The following LRRC4C variants were observed in gnomAD, a reference collection of about 807,000 sequenced individuals.
LRRC4C encodes leucine-rich repeat-containing protein 4C.
A neutral mutation model predicts 33.6 loss-of-function variants in LRRC4C; 5 were observed. The observed-to-expected ratio is 0.15, with a 90% CI of 0.08 to 0.31. The LOEUF (loss-of-function observed/expected upper bound fraction) is 0.31. LRRC4C is among the 10% of genes least tolerant of loss of function. The pLI is 1.00. For synonymous variants in LRRC4C, 329 were observed against 302.0 expected (o/e 1.09, Z -0.93); for missense variants, 560 against 796.7 (o/e 0.70, Z 3.58).
chr11:41,411,218 G>A (rs1402072598), intron 1 of LRRC4C, among the ~76,000 whole-genome samples: 2 of 136,790 alleles, frequency 1.5e-5, no homozygotes, highest in South Asian at 2.3e-4. Flanking sequence ...GCGCCATCTC[G>A]GCTCATTGCA....
At chr11:40,471,878 A>G (rs1952956064) in intron 3 of LRRC4C, among the ~76,000 whole-genome samples, 1 of 152,186 alleles carries the variant, frequency 6.6e-6, no homozygotes, top group Non-Finnish European at 1.5e-5. Flanking sequence ...TCAGCACCAC[A>G]TCGCACTTAT....
intron 3 of LRRC4C, among the ~76,000 whole-genome samples, chr11:40,378,637 G>A (rs1346209401): frequency 1.3e-5 from 2 of 152,006 alleles, no homozygotes; most frequent in African/African-American, 4.8e-5. Context: ...GATATGTATT[G>A]TTCAGTGACT....
At chr11:40,831,784 A>T (rs938269806) in intron 2 of LRRC4C, among the ~76,000 whole-genome samples, 2 of 151,940 alleles carry the variant, frequency 1.3e-5, no homozygotes, top group African/African-American at 2.4e-5. Context: ...AAACCATTGG[A>T]TCTCATGAAA....
chr11:40,122,346 C>A (rs902533092), intron 6 of LRRC4C, among the ~76,000 whole-genome samples: 1 of 152,076 alleles, frequency 6.6e-6, no homozygotes. Context: ...CTACACCTAT[C>A]AACCCATCAC....
chr11:40,891,931 C>A (rs540441009), intron 2 of LRRC4C, among the ~76,000 whole-genome samples: 10 of 151,706 alleles, frequency 6.6e-5, no homozygotes, highest in South Asian at 2.1e-4. Flanking sequence ...TTCAGGAGAT[C>A]GAGACCATCC....
rs115484801 is a variant in LRRC4C at position 41,161,835 on chromosome 11, A to G, written c.-495-228112T>C. Among the ~76,000 whole-genome samples the G allele has an allele frequency of 6.2e-3, 944 of 152,246 alleles. 15 individuals are homozygous for G. The highest frequency in any genetic ancestry group is 0.022 in the African/African-American group (896 of 41,560). On this transcript the variant is annotated intron_variant, in intron 1 of 6. Coordinates refer to ENST00000528697, the MANE Select transcript of LRRC4C (RefSeq NM_001258419.2). ...AGTATAAAGTTGTCTAACTCACTCA[A>G]CCCAACAGGACTACCTGAGTTCTAG...
In LRRC4C at chr11:40,300,823, G is replaced by A. The variant is rs146229253; in HGVS notation, c.-176+18805C>T. 1.1e-4 allele frequency among the ~76,000 whole-genome samples: 16 copies of A among 152,290 alleles called. No homozygotes were observed. The East Asian group carries it at 2.1e-3, about 20-fold the overall frequency. ...CTGTGAAGTTTTTATTTCTTAAGAG[G>A]CAGAGTCTAGCTCTGTTGCTCAGGC... is the stretch of plus-strand genomic sequence containing the variant. On this transcript the variant is annotated intron_variant, in intron 4 of 6. Coordinates refer to ENST00000528697, the MANE Select transcript of LRRC4C (RefSeq NM_001258419.2).
intron 1 of LRRC4C, among the ~76,000 whole-genome samples, chr11:41,109,968 G>A (rs1039438297): frequency 2.0e-5 from 3 of 151,888 alleles, no homozygotes; most frequent in Non-Finnish European, 2.9e-5. Flanking sequence ...CTACAACAGC[G>A]TGTACCAAAG....
intron 2 of LRRC4C, among the ~76,000 whole-genome samples, chr11:40,829,923 A>G (rs1352983474): frequency 6.6e-6 from 1 of 152,068 alleles, no homozygotes; most frequent in Non-Finnish European, 1.5e-5. Context: ...AGGAATTGCT[A>G]TGAAAACACT....
chr11:40,396,118 T>C (rs955232761), intron 3 of LRRC4C, among the ~76,000 whole-genome samples: 1 of 152,192 alleles, frequency 6.6e-6, no homozygotes, highest in African/African-American at 2.4e-5. Context: ...GTTCACACAT[T>C]GTCTACAGGG....
At chr11:40,763,928 C>T (rs1949338609) in intron 2 of LRRC4C, among the ~76,000 whole-genome samples, 1 of 152,126 alleles carries the variant, frequency 6.6e-6, no homozygotes, top group Admixed American at 6.5e-5. Context: ...CTGTACTGGG[C>T]TCAGAGCCAG....
intron 1 of LRRC4C, among the ~76,000 whole-genome samples, chr11:40,948,155 T>C (rs988868940): frequency 1.6e-4 from 24 of 152,086 alleles, no homozygotes; most frequent in Non-Finnish European, 3.5e-4. Flanking sequence ...ACATGTTCTA[T>C]TTAATCTGAG....
At chr11:41,326,134 A>T (rs1232306613) in intron 1 of LRRC4C, among the ~76,000 whole-genome samples, 1 of 124,458 alleles carries the variant, frequency 8.0e-6, no homozygotes, top group Admixed American at 7.8e-5. Flanking sequence ...GGTGGGCGCC[A>T]TCTAATCAGC....
chr11:41,338,706 A>T (rs1377472420), intron 1 of LRRC4C, among the ~76,000 whole-genome samples: 1 of 152,166 alleles, frequency 6.6e-6, no homozygotes, highest in Non-Finnish European at 1.5e-5. Context: ...AAGTAAAATA[A>T]AAATAAAAAT....
chr11:40,447,347 C>T (rs1951683264), intron 3 of LRRC4C, among the ~76,000 whole-genome samples: 2 of 152,108 alleles, frequency 1.3e-5, no homozygotes, highest in South Asian at 2.1e-4. Context: ...AAGAATCCAA[C>T]CCCAGACCAG....
chr11:40,316,669 A>T (rs1945589767), intron 4 of LRRC4C, among the ~76,000 whole-genome samples: 1 of 151,986 alleles, frequency 6.6e-6, no homozygotes, highest in Non-Finnish European at 1.5e-5. Context: ...ATTTCTCTGA[A>T]TATCCAAACA....
intron 1 of LRRC4C, among the ~76,000 whole-genome samples, chr11:41,248,456 T>A (rs1164584327): frequency 6.6e-6 from 1 of 152,138 alleles, no homozygotes; most frequent in Non-Finnish European, 1.5e-5. Flanking sequence ...GCAGAAGTGA[T>A]TCATCCCTTA....
intron 2 of LRRC4C, among the ~76,000 whole-genome samples, chr11:40,914,752 C>A (rs1280297911): frequency 6.6e-6 from 1 of 152,152 alleles, no homozygotes; most frequent in African/African-American, 2.4e-5. Flanking sequence ...AAGAGGAAGT[C>A]AAATTGTCCC....
At chr11:41,445,451 A>G (rs1232013966) in intron 1 of LRRC4C, among the ~76,000 whole-genome samples, 1 of 152,146 alleles carries the variant, frequency 6.6e-6, no homozygotes, top group Non-Finnish European at 1.5e-5. Context: ...GGGATGGAGT[A>G]GGCTATAAAA....
Sources: allele counts gnomAD v4.1 joint callset (sites outside exome capture counted in the v4.1 genomes callset), GRCh38; gene constraint gnomAD v4.1.1; transcripts MANE v1.5; gene names NCBI Gene and HGNC (gene_info 2026-07-23, HGNC 2026-07-21).